HSF1: variants seen among roughly 807,000 people sequenced by gnomAD.
The protein encoded by HSF1 is heat shock transcription factor 1.
HSF1 carries 32 observed loss-of-function variants against 51.7 expected under a neutral mutation model. The observed-to-expected ratio is 0.62, with a 90% CI of 0.47 to 0.83. The LOEUF is 0.83. HSF1 is among the 40% of genes least tolerant of loss of function. The pLI is 0.00. For missense variants in HSF1, 727 were observed against 717.0 expected (o/e 1.01, Z -0.16); for synonymous variants, 396 against 309.7 (o/e 1.28, Z -2.92).
Position 144,311,815 on chromosome 8 carries a change from C to G in HSF1, c.839C>G (p.Pro280Arg). The stretch of plus-strand genomic sequence containing the variant: ...GCTCCTGCCAGCCCCATGGCCTCCC[C>G]CGGCGGGAGCATAGACGAGAGGTGG... ...ELAPASPMASPGGSIDERPLS... is the reference protein window; with the variant it reads ...ELAPASPMASRGGSIDERPLS... The change falls in exon 8 of 13, where the codon CCC becomes CGC. Residue 280 changes from proline to arginine, a missense_variant. This residue lies in a region of HSF1 where 470 missense variants were observed against 398.8 expected (regional missense o/e 1.18). Coordinates refer to ENST00000528838, the MANE Select transcript of HSF1 (RefSeq NM_005526.4). The G allele has an allele frequency of 6.2e-7, 1 of 1,610,486 alleles. No homozygotes were observed. Among genetic ancestry groups the G allele is most frequent in the Non-Finnish European group, 8.5e-7 (1 of 1,178,710 alleles).
At chr8:144,309,062 A>G (rs781870872) in intron 2 of HSF1, 48 bp downstream of exon 2, 14 of 1,372,330 alleles carry the variant, frequency 1.0e-5, no homozygotes, top group Non-Finnish European at 1.2e-5. Flanking sequence ...GCAGACCTGC[A>G]GATGGCGGGA....
rs781837066 is a variant in HSF1 at position 144,311,555 on chromosome 8, G to A, written c.677G>A (p.Ser226Asn). Reference sequence around the variant, plus strand: ...TCAGCACATTCCATGCCCAAGTATAGCCGGCAGTTCTCCCTGGAGCACGTC... The same window carrying A: ...TCAGCACATTCCATGCCCAAGTATAACCGGCAGTTCTCCCTGGAGCACGTC... ...SGSAHSMPKY[S>N]RQFSLEHVHG... Residue 226 changes from serine to asparagine, a missense_variant, in exon 7 of 13, where the codon AGC becomes AAC. Physicochemically the swap from Ser to Asn is conservative, Grantham distance 46. Around this residue, in one of 2 missense-constraint regions of HSF1, gnomAD observed 257 missense variants for 318.3 expected, o/e 0.81. Coordinates refer to ENST00000528838, the MANE Select transcript of HSF1 (RefSeq NM_005526.4). 10 of 1,613,738 alleles carry A rather than the reference G, an allele frequency of 6.2e-6. No homozygotes were observed. Among genetic ancestry groups the A allele is most frequent in the Admixed American group, 5.0e-5 (3 of 60,020 alleles).
At chr8:144,310,567 T>A (rs914617651) in intron 4 of HSF1, 3 of 161,816 alleles carry the variant, frequency 1.9e-5, no homozygotes, top group Admixed American at 1.1e-4. Context: ...GCATGGGGTC[T>A]AGCAGGAGCC....
chr8:144,311,621 C>T lies in HSF1; in HGVS notation c.723+20C>T, dbSNP rs745745657. 9.8e-5 allele frequency: 158 copies of T among 1,612,772 alleles called. No individual in the cohort carries two copies. Among genetic ancestry groups the T allele is most frequent in the Non-Finnish European group, 1.2e-4 (140 of 1,179,728 alleles). ...TACTCGGTGAGTGCCGGAGACAGGG[C>T]ACCCGCCCAGGCATGCAGGCGGCAG... On this transcript the variant is annotated intron_variant, in intron 7 of 12. Transcript: ENST00000528838.
rs782694846 is a variant in HSF1 at position 144,309,514 on chromosome 8, G to A, written c.286G>A (p.Asp96Asn). 11 of 1,613,962 alleles carry A rather than the reference G, an allele frequency of 6.8e-6. No individual in the cohort carries two copies. Among genetic ancestry groups the A allele is most frequent in the South Asian group, 5.5e-5 (5 of 91,082 alleles). Residue 96 changes from aspartate to asparagine, a missense_variant, in exon 3 of 13, where the codon GAC becomes AAC. Physicochemically the swap from Asp to Asn is conservative, Grantham distance 23. Coordinates refer to ENST00000528838, the MANE Select transcript of HSF1 (RefSeq NM_005526.4). Reference sequence around the variant, plus strand: ...CGGCCTGGTCAAGCCAGAGAGAGACGACACGGAGTTCCAGCACCCATGCTT... The same window carrying A: ...CGGCCTGGTCAAGCCAGAGAGAGACAACACGGAGTTCCAGCACCCATGCTT... The part of the protein sequence containing the change: ...QGGLVKPERD[D>N]TEFQHPCFLR...
At chr8:144,295,191 G>T (rs1160306068) in intron 1 of HSF1, among the ~76,000 whole-genome samples, 2 of 152,238 alleles carry the variant, frequency 1.3e-5, no homozygotes, top group African/African-American at 2.4e-5. Flanking sequence ...CTGGGCTGCA[G>T]CTGACTCAGG....
chr8:144,300,190 A>G (rs887908109), intron 1 of HSF1, among the ~76,000 whole-genome samples: 24 of 148,196 alleles, frequency 1.6e-4, no homozygotes, highest in African/African-American at 5.0e-4. Flanking sequence ...CAGCAGTGAC[A>G]TGCGTATCAC....
rs1320259275 is a variant in HSF1, at chr8:144,313,511, G to A, written c.1143G>A (p.Lys381=). Residue 381 remains lysine, a splice_region_variant and synonymous_variant, in exon 10 of 13, where the codon AAG becomes AAA. Coordinates refer to ENST00000528838, the MANE Select transcript of HSF1 (RefSeq NM_005526.4). ...EKCLSVACLD[K]NELSDHLDAM... ...CAGGTACCGCCTTATCCCGGGCCAG[G>A]AATGAGCTCAGTGACCACTTGGATG... 1 of 1,606,242 alleles carries A rather than the reference G, an allele frequency of 6.2e-7. No homozygotes were observed. Among genetic ancestry groups the A allele is most frequent in the Admixed American group, 1.7e-5 (1 of 59,938 alleles).
rs781988711 is a variant in HSF1, at chr8:144,311,961, A to G, written c.861-2A>G. Reference sequence around the variant, plus strand: ...AGCTCACCTGGCCCCCCTCGTGTGCAGGCCCCTATCCAGCAGCCCCCTGGT... The same window carrying G: ...AGCTCACCTGGCCCCCCTCGTGTGCGGGCCCCTATCCAGCAGCCCCCTGGT... On this transcript the variant is annotated splice_acceptor_variant, in intron 8 of 12. Transcript: ENST00000528838. LOFTEE classifies it high-confidence loss of function. The G allele has an allele frequency of 5.7e-6, 9 of 1,582,020 alleles. No homozygotes were observed. The highest frequency in any genetic ancestry group is 7.7e-6 in the Non-Finnish European group (9 of 1,164,828).
intron 1 of HSF1, among the ~76,000 whole-genome samples, chr8:144,307,134 T>C (rs564829145): frequency 6.6e-6 from 1 of 152,316 alleles, no homozygotes; most frequent in South Asian, 2.1e-4. Context: ...TCAGAGCCCC[T>C]AGTGGCACCT....
rs192019654 is a variant in HSF1 at position 144,311,667 on chromosome 8, G to A, written c.724-33G>A. ...GGCAGTGGGGTGGGTTGCCCCTGCC[G>A]GCACTGCATGGACCTCCTGCCTTTG... On this transcript the variant is annotated intron_variant, in intron 7 of 12. Coordinates refer to ENST00000528838, the MANE Select transcript of HSF1 (RefSeq NM_005526.4). The A allele has an allele frequency of 1.6e-4, 265 of 1,610,546 alleles. No individual in the cohort carries two copies. The East Asian group carries it at 2.8e-3, about 17-fold the overall frequency.
At chr8:144,296,989 G>T (rs929870748) in intron 1 of HSF1, among the ~76,000 whole-genome samples, 1 of 152,102 alleles carries the variant, frequency 6.6e-6, no homozygotes, top group Non-Finnish European at 1.5e-5. Context: ...TGGCCTCCTG[G>T]GGGGAGGCAG....
Position 144,314,494 on chromosome 8 carries a change from T to G in HSF1, c.*164T>G, listed in dbSNP as rs1588676066. 1 of 635,352 alleles carries G rather than the reference T, an allele frequency of 1.6e-6. No homozygotes were observed. Among genetic ancestry groups the G allele is most frequent in the Non-Finnish European group, 2.7e-6 (1 of 364,914 alleles). 39.4% of individuals were successfully genotyped at this position (635,352 alleles called of 1,614,324 possible). On this transcript the variant is annotated 3_prime_UTR_variant, in exon 13 of 13. Coordinates refer to ENST00000528838, the MANE Select transcript of HSF1 (RefSeq NM_005526.4). ...TGGGCAGCACCTCTGGTCAGGAGGG[T>G]CACCCTGGCCTGCCAGTCTGCCTTC...
At position 144,313,886 on chromosome 8, in the gene HSF1, C is replaced by G; in HGVS notation, c.1289C>G (p.Pro430Arg). The G allele has an allele frequency of 6.2e-7, 1 of 1,608,280 alleles. No homozygotes were observed. Among genetic ancestry groups the G allele is most frequent in the Non-Finnish European group, 8.5e-7 (1 of 1,178,890 alleles). ...GTGACCGTGCCCGACATGAGCCTGC[C>G]TGACCTTGACAGCAGCCTGGCCAGT... ...PSVTVPDMSL[P>R]DLDSSLASIQ... is the part of the protein sequence containing the mutation. The change falls in exon 11 of 13, where the codon CCT (proline) becomes CGT (arginine). Residue 430 changes from proline to arginine, a missense_variant. Pro to Arg is a moderately radical substitution (Grantham distance 103, BLOSUM62 -2). Coordinates refer to ENST00000528838, the MANE Select transcript of HSF1 (RefSeq NM_005526.4).
At chr8:144,299,392 G>A (rs1014318074) in intron 1 of HSF1, among the ~76,000 whole-genome samples, 23 of 150,342 alleles carry the variant, frequency 1.5e-4, no homozygotes, top group African/African-American at 5.1e-4. Flanking sequence ...AGCCGAGATC[G>A]CATCACTGCA....
At chr8:144,301,922 G>C (rs1400690908) in intron 1 of HSF1, among the ~76,000 whole-genome samples, 4 of 150,840 alleles carry the variant, frequency 2.7e-5, no homozygotes, top group Admixed American at 2.6e-4. Flanking sequence ...TGTGGTGCCA[G>C]CTACTCAGAG....
chr8:144,293,016 C>A (rs4977219), intron 1 of HSF1, among the ~76,000 whole-genome samples: 79,043 of 151,944 alleles, frequency 0.52, 20,866 homozygotes, highest in Admixed American at 0.65. Flanking sequence ...GCACCGTGAC[C>A]GGCAGGGTGC....
intron 1 of HSF1, among the ~76,000 whole-genome samples, chr8:144,305,495 G>A (rs893224841): frequency 6.6e-6 from 1 of 151,994 alleles, no homozygotes; most frequent in Non-Finnish European, 1.5e-5. Flanking sequence ...TAGAGATGGG[G>A]TTTGACCATG....
intron 9 of HSF1, chr8:144,312,514 C>T (rs1231440994): frequency 1.1e-5 from 11 of 983,378 alleles, no homozygotes; most frequent in African/African-American, 1.6e-5. Flanking sequence ...CCACAGGCCA[C>T]GGGCCCTGGC....
Sources: allele counts gnomAD v4.1 joint callset (sites outside exome capture counted in the v4.1 genomes callset), GRCh38; gene constraint gnomAD v4.1.1; regional missense constraint gnomAD v4.1.1; transcripts MANE v1.5; gene names NCBI Gene and HGNC (gene_info 2026-07-23, HGNC 2026-07-21).